Variants in SEMA3C observed in about 807,000 individuals in gnomAD.
The protein encoded by SEMA3C is semaphorin-3C.
A neutral mutation model predicts 89.4 loss-of-function variants in SEMA3C; 47 were observed. That is an observed-to-expected ratio of 0.53 (90% CI 0.42 to 0.67). The LOEUF is 0.67. SEMA3C is among the 30% of genes least tolerant of loss of function. SEMA3C has a pLI of 0.00. For synonymous variants in SEMA3C, 310 were observed against 320.2 expected, an observed-to-expected ratio of 0.97 and a Z score of 0.34; for missense variants, 839 against 929.1, an observed-to-expected ratio of 0.90 and a Z score of 1.26.
intron 5 of SEMA3C, among the ~76,000 whole-genome samples, chr7:80,816,720 A>T (rs1450573796): frequency 6.6e-6 from 1 of 152,200 alleles, no homozygotes; most frequent in East Asian, 1.9e-4. Flanking sequence ...ATGTTCACGT[A>T]TTATTTCAGA....
intron 16 of SEMA3C, among the ~76,000 whole-genome samples, chr7:80,749,514 A>G (rs1327283022): frequency 6.6e-6 from 1 of 152,166 alleles, no homozygotes; most frequent in Admixed American, 6.6e-5. Flanking sequence ...AAGGGCAGAA[A>G]GTATTGTGGC....
At chr7:80,844,159 T>C (rs1790335591) in intron 2 of SEMA3C, among the ~76,000 whole-genome samples, 1 of 152,130 alleles carries the variant, frequency 6.6e-6, no homozygotes, top group Non-Finnish European at 1.5e-5. Context: ...TCCATCACTT[T>C]TCATGAGTAT....
intron 2 of SEMA3C, among the ~76,000 whole-genome samples, chr7:80,856,012 G>T (rs1168911569): frequency 1.3e-5 from 2 of 152,098 alleles, no homozygotes; most frequent in African/African-American, 2.4e-5. Flanking sequence ...CCTAAAAAAG[G>T]TCACATCTAT....
intron 8 of SEMA3C, among the ~76,000 whole-genome samples, 159 bp downstream of exon 8, chr7:80,803,944 AATG>A (rs140929995): frequency 0.043 from 6,604 of 152,210 alleles, 349 homozygotes; most frequent in East Asian, 0.24. Context: ...TTCAATATAA[AATG>A]ATGAATATTA....
chr7:80,781,298 G>C (rs1307255162), intron 12 of SEMA3C, among the ~76,000 whole-genome samples: 2 of 152,176 alleles, frequency 1.3e-5, no homozygotes, highest in Non-Finnish European at 2.9e-5. Context: ...TTAGGACATA[G>C]AGATCTTTTG....
intron 2 of SEMA3C, among the ~76,000 whole-genome samples, chr7:80,907,975 T>G (rs981591888): frequency 2.6e-5 from 4 of 152,102 alleles, no homozygotes; most frequent in African/African-American, 9.7e-5. Flanking sequence ...TGTTTACACA[T>G]GGACTCTAAT....
At chr7:80,786,240 A>T (rs1788798950) in intron 12 of SEMA3C, among the ~76,000 whole-genome samples, 1 of 152,232 alleles carries the variant, frequency 6.6e-6, no homozygotes, top group African/African-American at 2.4e-5. Context: ...CCAGAAACTT[A>T]TGTGGTAAGA....
At chr7:80,843,131 T>C (rs563429582) in intron 2 of SEMA3C, among the ~76,000 whole-genome samples, 2 of 152,092 alleles carry the variant, frequency 1.3e-5, no homozygotes, top group African/African-American at 2.4e-5. Context: ...GTTCTAATGC[T>C]CTATAGAAGA....
intron 2 of SEMA3C, among the ~76,000 whole-genome samples, chr7:80,851,749 C>CA (rs986756214): frequency 6.6e-6 from 1 of 151,374 alleles, no homozygotes; most frequent in Non-Finnish European, 1.5e-5. Flanking sequence ...TAGGCAGTCA[C>CA]AGCACAAAAT....
intron 15 of SEMA3C, among the ~76,000 whole-genome samples, chr7:80,755,909 G>A (rs1444648189): frequency 1.3e-5 from 2 of 152,120 alleles, no homozygotes; most frequent in Non-Finnish European, 2.9e-5. Flanking sequence ...ATTCTAGATA[G>A]ACATCAAAAG....
At chr7:80,894,205 A>C (rs527593163) in intron 2 of SEMA3C, among the ~76,000 whole-genome samples, 1 of 152,202 alleles carries the variant, frequency 6.6e-6, no homozygotes, top group African/African-American at 2.4e-5. Context: ...GTGCATAAGA[A>C]AGTAGAGTAT....
intron 2 of SEMA3C, among the ~76,000 whole-genome samples, chr7:80,843,339 C>G (rs571713882): frequency 6.6e-6 from 1 of 152,162 alleles, no homozygotes; most frequent in South Asian, 2.1e-4. Flanking sequence ...TCAATTAAAG[C>G]ACAAATTAAA....
upstream of SEMA3C, chr7:80,919,135 C>A (rs1377980771): frequency 1.3e-5 from 13 of 984,600 alleles, no homozygotes; most frequent in Non-Finnish European, 1.6e-5. Context: ...GCTGCCCCGG[C>A]GCGCCGCCCT....
chr7:80,888,544 A>G (rs1460521548), intron 2 of SEMA3C, among the ~76,000 whole-genome samples: 1 of 152,176 alleles, frequency 6.6e-6, no homozygotes, highest in African/African-American at 2.4e-5. Context: ...TCCAATAATA[A>G]TGTAGCAAAG....
intron 2 of SEMA3C, among the ~76,000 whole-genome samples, chr7:80,844,810 T>C (rs183796806): frequency 3.2e-4 from 49 of 152,266 alleles, no homozygotes; most frequent in African/African-American, 1.1e-3. Flanking sequence ...CAGTGCAAAC[T>C]CGACCATCAA....
chr7:80,819,518 A>C (rs1314533775), intron 4 of SEMA3C, among the ~76,000 whole-genome samples: 1 of 152,202 alleles, frequency 6.6e-6, no homozygotes, highest in Non-Finnish European at 1.5e-5. Context: ...ACAATGGCAG[A>C]CACTATTCAC....
At chr7:80,869,260 A>G (rs914803806) in intron 2 of SEMA3C, among the ~76,000 whole-genome samples, 1 of 152,204 alleles carries the variant, frequency 6.6e-6, no homozygotes, top group African/African-American at 2.4e-5. Context: ...AGCTGTAATT[A>G]GCTAGCAAGA....
intron 12 of SEMA3C, among the ~76,000 whole-genome samples, chr7:80,775,653 C>A (rs1788531963): frequency 6.6e-6 from 1 of 152,054 alleles, no homozygotes; most frequent in Non-Finnish European, 1.5e-5. Context: ...AAAACCTGAC[C>A]TGCACTGACT....
chr7:80,854,083 T>C (rs1270076082), intron 2 of SEMA3C, among the ~76,000 whole-genome samples: 1 of 152,194 alleles, frequency 6.6e-6, no homozygotes, highest in Non-Finnish European at 1.5e-5. Context: ...TTTGCTCTAA[T>C]TAATATAGTA....
Sources: allele counts gnomAD v4.1 joint callset (sites outside exome capture counted in the v4.1 genomes callset), GRCh38; gene constraint gnomAD v4.1.1; transcripts MANE v1.5; gene names NCBI Gene and HGNC (gene_info 2026-07-23, HGNC 2026-07-21).